The following FGF9 variants were observed in gnomAD, a reference collection of about 807,000 sequenced individuals.
The protein encoded by FGF9 is fibroblast growth factor 9, also known as fibroblast growth factor 9 (glia-activating factor).
A neutral mutation model predicts 19.9 loss-of-function variants in FGF9; 3 were observed. The observed-to-expected ratio is 0.15, with a 90% CI of 0.07 to 0.39. The LOEUF is 0.39. Ranked by LOEUF, FGF9 falls within the 10% of genes least tolerant of loss-of-function variation. The probability of loss-of-function intolerance (pLI) is 1.00; values close to 1 mark genes in which losing one functional copy is unlikely to be tolerated. For missense variants in FGF9, 175 were observed against 256.8 expected, an observed-to-expected ratio of 0.68 and a Z score of 2.18; for synonymous variants, 107 against 106.9, an observed-to-expected ratio of 1.00 and a Z score of -0.01.
chr13:21,698,803 A>G (rs1428452862), intron 2 of FGF9, among the ~76,000 whole-genome samples: 1 of 152,228 alleles, frequency 6.6e-6, no homozygotes, highest in Non-Finnish European at 1.5e-5. Context: ...CCTGCTGGAA[A>G]AAAGAAAGCT....
intron 2 of FGF9, among the ~76,000 whole-genome samples, chr13:21,697,808 CTTT>C (rs1270795107): frequency 3.6e-5 from 5 of 138,090 alleles, no homozygotes; most frequent in East Asian, 2.1e-4. Flanking sequence ...ACATAGGACT[CTTT>C]TTTTTTTTTT....
intron 1 of FGF9, among the ~76,000 whole-genome samples, chr13:21,675,720 A>G (rs1221441584): frequency 1.3e-5 from 2 of 152,132 alleles, no homozygotes; most frequent in Non-Finnish European, 2.9e-5. Context: ...TAGAAGGTGC[A>G]TTTTCTACCT....
chr13:21,682,139 G>C (rs1471919049), intron 2 of FGF9, among the ~76,000 whole-genome samples: 1 of 151,646 alleles, frequency 6.6e-6, no homozygotes, highest in Non-Finnish European at 1.5e-5. Context: ...CTCCTGTGTA[G>C]CTGGGACTAT....
At chr13:21,675,005 C>CGGGGGATGTGGGGGCTGG (rs1871875262) in intron 1 of FGF9, among the ~76,000 whole-genome samples, 4 of 135,128 alleles carry the variant, frequency 3.0e-5, no homozygotes, top group African/African-American at 6.0e-5. Flanking sequence ...TACAGTGTTG[C>CGGGGGATGTGGGGGCTGG]GGGGGATGTG....
At chr13:21,676,586 A>G (rs1399244372) in intron 1 of FGF9, among the ~76,000 whole-genome samples, 3 of 152,220 alleles carry the variant, frequency 2.0e-5, no homozygotes, top group Admixed American at 2.0e-4. Context: ...ACCCCGGTGC[A>G]GGATCTGAGA....
chr13:21,680,038 A>G (rs962909930), intron 1 of FGF9, among the ~76,000 whole-genome samples: 1 of 152,060 alleles, frequency 6.6e-6, no homozygotes, highest in Non-Finnish European at 1.5e-5. Context: ...GTAGTTACAG[A>G]AATTGAAACT....
At position 21,701,700 on chromosome 13, in the gene FGF9, A is replaced by T; in HGVS notation, c.*265A>T. On this transcript the variant is annotated 3_prime_UTR_variant, in exon 3 of 3. Coordinates refer to ENST00000382353, the MANE Select transcript of FGF9 (RefSeq NM_002010.3). ...AGAGAGAGAGAGACTGAGCGCTAGG[A>T]GTGTGTGTATGTGTGTGTGTGTGTG... 2 of 441,904 alleles carry T rather than the reference A, an allele frequency of 4.5e-6. No individual in the cohort carries two copies. Among genetic ancestry groups the T allele is most frequent in the South Asian group, 2.1e-5 (1 of 48,634 alleles). 27.4% of individuals were successfully genotyped at this position (441,904 alleles called of 1,614,324 possible).
rs552836111 is a variant in FGF9, at chr13:21,673,477, C to T, written c.277+1288C>T. Among the ~76,000 whole-genome samples the T allele has an allele frequency of 6.4e-4, 97 of 152,232 alleles. 1 individual carries two copies. Among genetic ancestry groups the T allele is most frequent in the African/African-American group, 2.3e-3 (96 of 41,542 alleles). ...TGAGCCTAGTAGTGTGAAATTGCTC[C>T]GGCCGTCTCCACTCGCTGCTTAAAA... On this transcript the variant is annotated intron_variant, in intron 1 of 2. Coordinates refer to ENST00000382353, the MANE Select transcript of FGF9 (RefSeq NM_002010.3).
chr13:21,695,115 T>TGA lies in FGF9; in HGVS notation c.382-6068_382-6067dup, dbSNP rs998380454. Among the ~76,000 whole-genome samples, 439 of 149,570 alleles carry TGA rather than the reference T, an allele frequency of 2.9e-3. 2 individuals are homozygous for TGA. The highest frequency in any genetic ancestry group is 9.3e-3 in the African/African-American group (373 of 39,954). ...GTGTGTGTGTGTGTGTGTGTGTGTG[T>TGA]GAGAGAGACTAGATTCAGCCTGGGA... On this transcript the variant is annotated intron_variant, in intron 2 of 2. Coordinates refer to ENST00000382353, the MANE Select transcript of FGF9 (RefSeq NM_002010.3).
intron 2 of FGF9, among the ~76,000 whole-genome samples, chr13:21,693,260 G>C (rs1333034967): frequency 6.6e-6 from 1 of 152,156 alleles, no homozygotes; most frequent in Non-Finnish European, 1.5e-5. Context: ...CGAGAAATCG[G>C]GGCTGATGTG....
rs971755525 is a variant in FGF9 at position 21,687,454 on chromosome 13, A to G, written c.381+6309A>G. Among the ~76,000 whole-genome samples the G allele has an allele frequency of 7.2e-5, 11 of 152,256 alleles. No individual in the cohort carries two copies. In the East Asian group the frequency reaches 2.1e-3, roughly 29 times the overall value. On this transcript the variant is annotated intron_variant, in intron 2 of 2. Coordinates refer to ENST00000382353, the MANE Select transcript of FGF9 (RefSeq NM_002010.3). ...TTGACAACTATAATTCAAAACATTTATATGCCAAAATTCAAGTTAAACGGC... is the reference window on the plus strand; with the variant it reads ...TTGACAACTATAATTCAAAACATTTGTATGCCAAAATTCAAGTTAAACGGC...
chr13:21,673,869 C>A (rs1024681922), intron 1 of FGF9: 1 of 151,100 alleles, frequency 6.6e-6, no homozygotes, highest in Non-Finnish European at 1.5e-5. Flanking sequence ...GCCCGGGCCC[C>A]GCGGCGCACT....
At chr13:21,693,178 C>A (rs1393201107) in intron 2 of FGF9, among the ~76,000 whole-genome samples, 1 of 152,138 alleles carries the variant, frequency 6.6e-6, no homozygotes, top group African/African-American at 2.4e-5. Context: ...TAGCCCACCA[C>A]AGTGTTGAGG....
At chr13:21,694,839 A>G (rs185132698) in intron 2 of FGF9, among the ~76,000 whole-genome samples, 41 of 152,340 alleles carry the variant, frequency 2.7e-4, no homozygotes, top group African/African-American at 8.4e-4. Context: ...CTTGAATTCT[A>G]TTATTCCCTG....
chr13:21,690,024 G>C (rs1248874605), intron 2 of FGF9, among the ~76,000 whole-genome samples: 1 of 152,182 alleles, frequency 6.6e-6, no homozygotes, highest in Admixed American at 6.5e-5. Flanking sequence ...CTCAACCAGA[G>C]CCTCAGTGTC....
In FGF9 at chr13:21,674,780, T is replaced by C. The variant is rs899996105; in HGVS notation, c.277+2591T>C. ...TGCAGTCGAGTCATTAGAAATCCCG[T>C]AACTCTGCCACTGGAGAGAGCGCGG... On this transcript the variant is annotated intron_variant, in intron 1 of 2. Coordinates refer to ENST00000382353, the MANE Select transcript of FGF9 (RefSeq NM_002010.3). 3.3e-5 allele frequency among the ~76,000 whole-genome samples: 5 copies of C among 151,076 alleles called. No homozygotes were observed. In the South Asian group the frequency reaches 6.3e-4, roughly 19 times the overall value.
intron 2 of FGF9, among the ~76,000 whole-genome samples, chr13:21,689,232 G>A (rs1406022903): frequency 1.3e-5 from 2 of 152,172 alleles, no homozygotes; most frequent in African/African-American, 2.4e-5. Context: ...TGCCTGAGAA[G>A]CCTGATAAGA....
rs1051571055 is a variant in FGF9 at position 21,672,406 on chromosome 13, T to C, written c.277+217T>C. On this transcript the variant is annotated intron_variant, in intron 1 of 2. Transcript: ENST00000382353. This position sits in a 1 kb window ranked among gnomAD's most constrained non-coding sequence, Gnocchi z 4.2. ...TGCTGGCACTGATGCAAGTATACAC[T>C]GAAAGGCCCCCTACTTTTAATTTAA... Among the ~76,000 whole-genome samples the C allele has an allele frequency of 1.3e-5, 2 of 152,158 alleles. No individual in the cohort carries two copies. The highest frequency in any genetic ancestry group is 6.5e-5 in the Admixed American group (1 of 15,276).
At chr13:21,675,576 CCCT>C (rs945516527) in intron 1 of FGF9, among the ~76,000 whole-genome samples, 3 of 152,064 alleles carry the variant, frequency 2.0e-5, no homozygotes, top group African/African-American at 7.2e-5. Flanking sequence ...TCACCTTCGG[CCCT>C]CCTCCTCCTC....
Sources: gnomAD v4.1 joint callset for allele counts (sites outside exome capture counted in the v4.1 genomes callset) on GRCh38, gnomAD v4.1.1 for gene constraint, Gnocchi (gnomAD v3.1) non-coding constraint, MANE v1.5 for transcripts, NCBI Gene and HGNC (gene_info 2026-07-23, HGNC 2026-07-21) for gene names.